The following WWOX variants were observed in gnomAD, a reference collection of about 807,000 sequenced individuals.
The protein encoded by WWOX is WW domain containing oxidoreductase.
In WWOX, 69 loss-of-function variants were observed where a neutral mutation model predicts 46.2. The ratio of observed to expected loss-of-function variants is 1.49; its 90% CI spans 1.23 to 1.82. WWOX has a LOEUF of 1.82. Ranked by LOEUF, WWOX falls within the 40% of genes most tolerant of loss-of-function variation. The pLI is 0.00. For missense variants in WWOX, 919 were observed against 542.6 expected, an observed-to-expected ratio of 1.69 and a Z score of -6.89; for synonymous variants, 359 against 202.6, an observed-to-expected ratio of 1.77 and a Z score of -6.56.
At chr16:78,776,805 G>C (rs945199520) in intron 8 of WWOX, among the ~76,000 whole-genome samples, 21 of 152,090 alleles carry the variant, frequency 1.4e-4, no homozygotes, top group African/African-American at 4.8e-4. Flanking sequence ...GAAAGAGGGA[G>C]GGAGGAAACC....
At chr16:78,483,477 G>A (rs1282571822) in intron 8 of WWOX, among the ~76,000 whole-genome samples, 1 of 146,888 alleles carries the variant, frequency 6.8e-6, no homozygotes, top group Non-Finnish European at 1.5e-5. Context: ...GGAAGTAAGT[G>A]ACACTGATCG....
At chr16:78,303,872 C>T (rs993822615) in intron 5 of WWOX, among the ~76,000 whole-genome samples, 5 of 152,150 alleles carry the variant, frequency 3.3e-5, no homozygotes, top group Non-Finnish European at 5.9e-5. Flanking sequence ...CCCACCACTG[C>T]CCTGTGCCAA....
chr16:78,815,895 C>G (rs1184239592), intron 8 of WWOX, among the ~76,000 whole-genome samples: 5 of 152,064 alleles, frequency 3.3e-5, no homozygotes, highest in Non-Finnish European at 7.4e-5. Flanking sequence ...AAGATATATA[C>G]AGGGCTCAGA....
intron 8 of WWOX, among the ~76,000 whole-genome samples, chr16:78,852,732 G>C (rs1054795154): frequency 8.5e-5 from 13 of 152,110 alleles, no homozygotes; most frequent in African/African-American, 3.1e-4. Context: ...GCTGCCTACA[G>C]GATAAATAAT....
chr16:78,506,181 G>A (rs1239679263), intron 8 of WWOX, among the ~76,000 whole-genome samples: 4 of 152,172 alleles, frequency 2.6e-5, no homozygotes, highest in African/African-American at 4.8e-5. Flanking sequence ...ACCAGAAATC[G>A]GAGGCAGCCC....
At chr16:78,549,194 C>G (rs953387702) in intron 8 of WWOX, among the ~76,000 whole-genome samples, 5 of 152,150 alleles carry the variant, frequency 3.3e-5, no homozygotes, top group Non-Finnish European at 7.3e-5. Context: ...AATAGAACCT[C>G]TGTAGAATCA....
intron 8 of WWOX, among the ~76,000 whole-genome samples, chr16:78,698,118 G>A (rs377646819): frequency 6.6e-6 from 1 of 152,152 alleles, no homozygotes; most frequent in Non-Finnish European, 1.5e-5. Context: ...TCTCTCATTG[G>A]CATCTTGAGG....
At chr16:79,007,892 A>G (rs1038306574) in intron 8 of WWOX, among the ~76,000 whole-genome samples, 2 of 152,216 alleles carry the variant, frequency 1.3e-5, no homozygotes, top group East Asian at 1.9e-4. Flanking sequence ...GTGCATGCAA[A>G]TGATTCCTCA....
intron 5 of WWOX, among the ~76,000 whole-genome samples, chr16:78,379,467 C>G (rs1021580505): frequency 6.6e-6 from 1 of 152,154 alleles, no homozygotes; most frequent in African/African-American, 2.4e-5. Context: ...AGCCACTGTA[C>G]CGACGTGTTC....
chr16:79,166,850 G>T (rs1413512028), intron 8 of WWOX, among the ~76,000 whole-genome samples: 1 of 152,166 alleles, frequency 6.6e-6, no homozygotes, highest in Non-Finnish European at 1.5e-5. Flanking sequence ...ATTTTTCCAT[G>T]TATTAATTCT....
At chr16:78,204,001 A>G (rs1025157896) in intron 5 of WWOX, among the ~76,000 whole-genome samples, 13 of 152,170 alleles carry the variant, frequency 8.5e-5, no homozygotes, top group Non-Finnish European at 1.8e-4. Context: ...GTCTGCTTGG[A>G]CATGGCGGTG....
intron 4 of WWOX, among the ~76,000 whole-genome samples, chr16:78,146,289 A>G (rs778394398): frequency 2.6e-5 from 4 of 152,074 alleles, no homozygotes; most frequent in African/African-American, 9.7e-5. Flanking sequence ...GCCTTCACCA[A>G]CTCAGAGCTC....
chr16:78,100,537 C>G (rs1040714972), intron 1 of WWOX, among the ~76,000 whole-genome samples: 1 of 152,218 alleles, frequency 6.6e-6, no homozygotes, highest in East Asian at 1.9e-4. Flanking sequence ...AGGCGTGAGC[C>G]ACTGCGCCTA....
intron 5 of WWOX, among the ~76,000 whole-genome samples, chr16:78,228,970 C>G (rs1472979715): frequency 6.6e-6 from 1 of 152,124 alleles, no homozygotes; most frequent in African/African-American, 2.4e-5. Flanking sequence ...TTGATGTGTA[C>G]TTACTTCTAT....
chr16:78,611,365 G>A (rs987113096), intron 8 of WWOX, among the ~76,000 whole-genome samples: 1 of 152,184 alleles, frequency 6.6e-6, no homozygotes, highest in African/African-American at 2.4e-5. Flanking sequence ...GTTGAGGATG[G>A]GGCTGGGGGC....
intron 4 of WWOX, 148 bp downstream of exon 4, chr16:78,115,302 C>G (rs2032723893): frequency 1.0e-6 from 1 of 989,554 alleles, no homozygotes; most frequent in Non-Finnish European, 1.5e-6. Flanking sequence ...ATCACTACCT[C>G]TTTTTAAATC....
At chr16:78,761,769 C>T (rs540479527) in intron 8 of WWOX, among the ~76,000 whole-genome samples, 1 of 152,254 alleles carries the variant, frequency 6.6e-6, no homozygotes, top group South Asian at 2.1e-4. Flanking sequence ...TAGGTATTAA[C>T]CCCTTGGTGT....
intron 8 of WWOX, among the ~76,000 whole-genome samples, chr16:78,566,237 C>G (rs1053898505): frequency 6.6e-6 from 1 of 152,184 alleles, no homozygotes; most frequent in Admixed American, 6.5e-5. Context: ...AAAGCCCCAC[C>G]TCCAAGTACT....
At chr16:79,151,924 C>T (rs2050287124) in intron 8 of WWOX, among the ~76,000 whole-genome samples, 1 of 152,176 alleles carries the variant, frequency 6.6e-6, no homozygotes, top group Admixed American at 6.5e-5. Context: ...TGAAATATCA[C>T]ATGTAAATAG....
Sources: gnomAD v4.1 joint callset for allele counts (sites outside exome capture counted in the v4.1 genomes callset) on GRCh38, gnomAD v4.1.1 for gene constraint, MANE v1.5 for transcripts, NCBI Gene and HGNC (gene_info 2026-07-23, HGNC 2026-07-21) for gene names.